Variants in INVS observed in about 807,000 individuals in gnomAD.
The protein encoded by INVS is inversin.
INVS carries 86 observed loss-of-function variants against 108.8 expected under a neutral mutation model. The ratio of observed to expected loss-of-function variants is 0.79; its 90% CI spans 0.66 to 0.95. The LOEUF (loss-of-function observed/expected upper bound fraction) is 0.95, where lower values mean the gene tolerates loss of function less well. INVS is among the 40% of genes least tolerant of loss of function. INVS has a pLI of 0.00. For synonymous variants in INVS, 455 were observed against 473.5 expected (o/e 0.96, Z 0.51); for missense variants, 1,169 against 1,297.4 (o/e 0.90, Z 1.52).
chr9:100,119,238 C>T (rs1827649042), intron 2 of INVS, among the ~76,000 whole-genome samples: 1 of 152,150 alleles, frequency 6.6e-6, no homozygotes, highest in South Asian at 2.1e-4. Context: ...TTTAAAACTG[C>T]ACATTCATTT....
rs1833946175 is a variant in INVS at position 100,300,892 on chromosome 9, G to C, written c.*218G>C. 1 of 584,538 alleles carries C rather than the reference G, an allele frequency of 1.7e-6. No individual in the cohort carries two copies. The highest frequency in any genetic ancestry group is 3.1e-6 in the Non-Finnish European group (1 of 327,128). The allele number at this position is 584,538 out of a possible 1,614,324, so 36.2% of individuals were successfully genotyped here. ...CAATCAACACAGCCTGCACTGAAAG[G>C]ACCTGCATAGACTATGTCTGTGCAA... On this transcript the variant is annotated 3_prime_UTR_variant, in exon 17 of 17. Coordinates refer to ENST00000262457, the MANE Select transcript of INVS (RefSeq NM_014425.5).
At chr9:100,156,284 A>G (rs1244114515) in intron 3 of INVS, among the ~76,000 whole-genome samples, 1 of 141,928 alleles carries the variant, frequency 7.0e-6, no homozygotes, top group Non-Finnish European at 1.5e-5. Context: ...TTTTTGAGAC[A>G]GGGTCTCACT....
At chr9:100,284,240 T>TA (rs1833362971) in intron 12 of INVS, 80 bp from the exon 13 acceptor site, 2 of 1,550,340 alleles carry the variant, frequency 1.3e-6, no homozygotes, top group Non-Finnish European at 1.8e-6. Flanking sequence ...TAGCTCCTCT[T>TA]AAAATTTAAA....
intron 12 of INVS, among the ~76,000 whole-genome samples, chr9:100,278,231 C>CAA (rs750217205): frequency 0.59 from 48,983 of 82,916 alleles, 13,711 homozygotes; most frequent in East Asian, 0.83. Context: ...GACCCTGTCT[C>CAA]AAAAAAAAAA....
chr9:100,132,775 GA>G (rs1346761925), intron 3 of INVS, among the ~76,000 whole-genome samples: 2 of 80,126 alleles, frequency 2.5e-5, no homozygotes, highest in Non-Finnish European at 4.4e-5. Flanking sequence ...CATATGCCTG[GA>G]ATTTTTTTTT....
intron 13 of INVS, among the ~76,000 whole-genome samples, 186 bp downstream of exon 13, chr9:100,284,789 G>T (rs1339200582): frequency 6.6e-6 from 1 of 151,852 alleles, no homozygotes; most frequent in Non-Finnish European, 1.5e-5. Flanking sequence ...CTTCCTGTAG[G>T]TTACTTCAGC....
At position 100,121,675 on chromosome 9, in the gene INVS, A is replaced by AT. The variant is rs568027794; in HGVS notation, c.107-4701dup. On this transcript the variant is annotated intron_variant, in intron 2 of 16. Coordinates refer to ENST00000262457, the MANE Select transcript of INVS (RefSeq NM_014425.5). ...ACTTTTAGCTTCATTGATTTTCTCT[A>AT]TTTTTTTCTGATTTTAATGTAATTG... Among the ~76,000 whole-genome samples the AT allele has an allele frequency of 5.9e-5, 9 of 151,334 alleles. No individual in the cohort carries two copies. The East Asian group carries it at 1.6e-3, about 26-fold the overall frequency.
intron 6 of INVS, among the ~76,000 whole-genome samples, chr9:100,241,535 C>G (rs1239186648): frequency 6.6e-6 from 1 of 152,146 alleles, no homozygotes; most frequent in Non-Finnish European, 1.5e-5. Context: ...CCTCTGGATC[C>G]TTCTCTAGAT....
intron 12 of INVS, among the ~76,000 whole-genome samples, chr9:100,276,039 G>A (rs886122035): frequency 3.3e-5 from 5 of 152,114 alleles, no homozygotes; most frequent in African/African-American, 1.2e-4. Context: ...GTAACTCTCT[G>A]ATTCTCCCTT....
intron 2 of INVS, among the ~76,000 whole-genome samples, chr9:100,121,918 CT>C (rs1384519526): frequency 6.6e-6 from 1 of 152,088 alleles, no homozygotes; most frequent in East Asian, 1.9e-4. Context: ...TTTAATTATG[CT>C]TTTTAATTTC....
At chr9:100,248,977 C>T (rs150285482) in intron 8 of INVS, among the ~76,000 whole-genome samples, 1,471 of 118,202 alleles carry the variant, frequency 0.012, 11 homozygotes, top group South Asian at 0.021. Context: ...TGGGCTCAAG[C>T]GATCCTCCCA....
At chr9:100,124,375 A>G (rs1241728704) in intron 2 of INVS, among the ~76,000 whole-genome samples, 2 of 152,008 alleles carry the variant, frequency 1.3e-5, no homozygotes, top group African/African-American at 4.8e-5. Flanking sequence ...TGAGAACCAC[A>G]TCATACAGCA....
At chr9:100,278,629 A>C (rs1239492841) in intron 12 of INVS, among the ~76,000 whole-genome samples, 1 of 152,220 alleles carries the variant, frequency 6.6e-6, no homozygotes, top group African/African-American at 2.4e-5. Context: ...AAAGGGTCTA[A>C]AACCTTACAT....
chr9:100,119,319 GAATTT>G (rs796207622), intron 2 of INVS, among the ~76,000 whole-genome samples: 141 of 152,240 alleles, frequency 9.3e-4, no homozygotes, highest in African/African-American at 3.1e-3. Flanking sequence ...GATTAATTAT[GAATTT>G]AATTTAATTT....
chr9:100,118,667 T>TTTA (rs898959056), intron 2 of INVS, among the ~76,000 whole-genome samples: 13 of 151,788 alleles, frequency 8.6e-5, no homozygotes, highest in Middle Eastern at 3.4e-3. Flanking sequence ...TCCAGCACCA[T>TTTA]TTATTATTAT....
At chr9:100,113,028 T>G (rs1827391826) in intron 2 of INVS, among the ~76,000 whole-genome samples, 1 of 152,220 alleles carries the variant, frequency 6.6e-6, no homozygotes, top group South Asian at 2.1e-4. Context: ...TAGAGACTAG[T>G]CTCATTATGG....
intron 8 of INVS, among the ~76,000 whole-genome samples, chr9:100,248,952 C>G (rs1343432212): frequency 2.0e-5 from 3 of 151,610 alleles, no homozygotes; most frequent in African/African-American, 7.3e-5. Flanking sequence ...GTTGCCCAGG[C>G]TGGTCTCAAA....
rs138094240 is a variant in INVS, at chr9:100,228,530, C to T, written c.448-1130C>T. 6.3e-4 allele frequency among the ~76,000 whole-genome samples: 96 copies of T among 152,186 alleles called. 1 individual carries two copies. Among genetic ancestry groups the T allele is most frequent in the African/African-American group, 2.1e-3 (89 of 41,520 alleles). On this transcript the variant is annotated intron_variant, in intron 4 of 16. Coordinates refer to ENST00000262457, the MANE Select transcript of INVS (RefSeq NM_014425.5). ...AACATCCTGTCAAGTTCTTAAGGTC[C>T]TTGGTGATAACCAGATGTGCATTAT... is the stretch of plus-strand genomic sequence containing the variant.
chr9:100,147,155 T>C (rs1325244252), intron 3 of INVS, among the ~76,000 whole-genome samples: 1 of 152,366 alleles, frequency 6.6e-6, no homozygotes, highest in Middle Eastern at 3.4e-3. Flanking sequence ...CTGTATAACA[T>C]TGGGCAAAAC....
Sources: gnomAD v4.1 joint callset for allele counts (sites outside exome capture counted in the v4.1 genomes callset) on GRCh38, gnomAD v4.1.1 for gene constraint, MANE v1.5 for transcripts, NCBI Gene and HGNC (gene_info 2026-07-23, HGNC 2026-07-21) for gene names.